Variants in PAX3 observed in about 807,000 individuals in gnomAD.
The protein encoded by PAX3 is paired box 3.
PAX3 carries 14 observed loss-of-function variants against 51.6 expected under a neutral mutation model. That is an observed-to-expected ratio of 0.27 (90% CI 0.18 to 0.42). PAX3 has a LOEUF of 0.42. PAX3 is among the 10% of genes least tolerant of loss of function. The pLI, the probability that PAX3 is intolerant of heterozygous loss-of-function variation, is 1.00. For missense variants in PAX3, 540 were observed against 642.8 expected (o/e 0.84, Z 1.73); for synonymous variants, 280 against 253.4 (o/e 1.11, Z -1.00).
rs149273276 is a variant in PAX3 at position 222,220,194 on chromosome 2, C to T, written c.1119G>A (p.Pro373=). 31 of 1,613,830 alleles carry T rather than the reference C, an allele frequency of 1.9e-5. No individual in the cohort carries two copies. Among genetic ancestry groups the T allele is most frequent in the African/African-American group, 1.3e-4 (10 of 74,960 alleles). ...GGTTCATGGGGTTGGAGGGCCCCGA[C>T]GGAGGCACAAAGCTGTCTGTATAGC... ...FSSYTDSFVP[P]SGPSNPMNPT... The change falls in exon 7 of 9, where the codon CCG becomes CCA. Residue 373 remains proline (P), a synonymous_variant. Transcript: ENST00000392070.
intron 7 of PAX3, among the ~76,000 whole-genome samples, chr2:222,208,714 C>T (rs1691606478): frequency 6.6e-6 from 1 of 152,170 alleles, no homozygotes. Context: ...GAGAACATGA[C>T]TGTGGAAAAT....
chr2:222,243,077 G>A (rs1054221997), intron 4 of PAX3, among the ~76,000 whole-genome samples: 15 of 152,112 alleles, frequency 9.9e-5, no homozygotes, highest in Admixed American at 3.3e-4. Context: ...CAAAACTACC[G>A]AAAGATACAC....
chr2:222,214,165 C>T (rs975548065), intron 7 of PAX3, among the ~76,000 whole-genome samples: 1 of 152,162 alleles, frequency 6.6e-6, no homozygotes, highest in African/African-American at 2.4e-5. Context: ...CCAAAAATGA[C>T]AAGTGAAATC....
intron 4 of PAX3, among the ~76,000 whole-genome samples, chr2:222,255,287 C>T (rs1693597164): frequency 7.2e-6 from 1 of 138,770 alleles, no homozygotes; most frequent in African/African-American, 2.5e-5. Flanking sequence ...TAGAAAATGC[C>T]TGCCCTGCCT....
At chr2:222,297,805 C>T (rs943875884) in intron 1 of PAX3, among the ~76,000 whole-genome samples, 3 of 152,216 alleles carry the variant, frequency 2.0e-5, no homozygotes, top group African/African-American at 7.2e-5. Flanking sequence ...CCCCAGCCCC[C>T]ATTCTTGCTC....
chr2:222,245,815 CAAA>C (rs10628623), intron 4 of PAX3, among the ~76,000 whole-genome samples: 4 of 135,506 alleles, frequency 3.0e-5, no homozygotes, highest in Non-Finnish European at 6.3e-5. Context: ...ACTAAAAATA[CAAA>C]AAAAAAAAAA....
At position 222,201,386 on chromosome 2, in the gene PAX3, T is replaced by C. The variant is rs1238502671; in HGVS notation, c.*22A>G. ...CGAAGACCAGAAACAGGGCCAGTTT[T>C]AGCTCCAAGTGGACAGTTCACTTAC... On this transcript the variant is annotated 3_prime_UTR_variant, in exon 9 of 9. Transcript: ENST00000392070. The C allele has an allele frequency of 6.2e-7, 1 of 1,613,976 alleles. No individual in the cohort carries two copies. Among genetic ancestry groups the C allele is most frequent in the East Asian group, 2.2e-5 (1 of 44,842 alleles).
At chr2:222,297,421 T>C (rs1403953501) in intron 1 of PAX3, among the ~76,000 whole-genome samples, 4 of 152,194 alleles carry the variant, frequency 2.6e-5, no homozygotes, top group Non-Finnish European at 4.4e-5. Context: ...CATGTAATCT[T>C]GTGTAAAGAC....
chr2:222,227,901 C>T (rs1692445772), intron 5 of PAX3, among the ~76,000 whole-genome samples: 2 of 152,002 alleles, frequency 1.3e-5, no homozygotes, highest in Admixed American at 1.3e-4. Flanking sequence ...GCTTTAGTCC[C>T]ATTTCTATTT....
chr2:222,233,665 G>T (rs1158986103), intron 4 of PAX3, among the ~76,000 whole-genome samples: 1 of 152,102 alleles, frequency 6.6e-6, no homozygotes, highest in Non-Finnish European at 1.5e-5. Context: ...CCCAGATACT[G>T]GGGTAGTGGG....
chr2:222,217,519 C>A lies in PAX3; in HGVS notation c.1173+2621G>T, dbSNP rs370696973. Among the ~76,000 whole-genome samples, 32 of 152,060 alleles carry A rather than the reference C, an allele frequency of 2.1e-4. 1 individual carries two copies. The East Asian group carries it at 5.2e-3, about 25-fold the overall frequency. On this transcript the variant is annotated intron_variant, in intron 7 of 8. Coordinates refer to ENST00000392070, the MANE Select transcript of PAX3 (RefSeq NM_181458.4). ...GGCAGAAGGTGACAATCATTTTGGG[C>A]CTCAGTTGGTTTTTCTGCATATTAG...
At position 222,298,898 on chromosome 2, in the gene PAX3, G is replaced by A. The variant is rs1280681334; in HGVS notation, c.-283C>T. Reference sequence around the variant, plus strand: ...TCTGGGCAAATGTTCCAGCGACTGGGGTCCCTGAAAAGGGGGCTCAGAGAG... The same window carrying A: ...TCTGGGCAAATGTTCCAGCGACTGGAGTCCCTGAAAAGGGGGCTCAGAGAG... On this transcript the variant is annotated 5_prime_UTR_variant, in exon 1 of 9. Transcript: ENST00000392070. 6 of 538,614 alleles carry A rather than the reference G, an allele frequency of 1.1e-5. No individual in the cohort carries two copies. The highest frequency in any genetic ancestry group is 2.0e-5 in the Non-Finnish European group (6 of 299,222). The allele number at this position is 538,614 out of a possible 1,614,324, so 33.4% of individuals were successfully genotyped here. A position where few individuals can be genotyped will look rare whatever the true frequency, so the allele number is the denominator to read the frequency against.
At chr2:222,258,726 G>A (rs150320700) in intron 4 of PAX3, among the ~76,000 whole-genome samples, 27 of 152,206 alleles carry the variant, frequency 1.8e-4, no homozygotes, top group East Asian at 1.7e-3. Flanking sequence ...TCCCAACCTC[G>A]CATACTGTTT....
At chr2:222,214,794 T>C (rs1188340717) in intron 7 of PAX3, 1 of 152,172 alleles carries the variant, frequency 6.6e-6, no homozygotes, top group African/African-American at 2.4e-5. Context: ...GTTATTCAAT[T>C]ACATCTTACC....
At chr2:222,293,782 C>T (rs1159047152) in intron 4 of PAX3, 2 of 1,614,044 alleles carry the variant, frequency 1.2e-6, no homozygotes, top group African/African-American at 2.7e-5. Context: ...GCTACTTCAA[C>T]TTCTGAAGAT....
rs146214469 is a variant in PAX3, at chr2:222,200,725, C to T, written c.*683G>A. On this transcript the variant is annotated 3_prime_UTR_variant, in exon 9 of 9. Coordinates refer to ENST00000392070, the MANE Select transcript of PAX3 (RefSeq NM_181458.4). ...GGAAACAAGTCCTTCTTCCTGGTAGCCCATATCCTGTTAGCAAGACATGTC... is the reference window on the plus strand; with the variant it reads ...GGAAACAAGTCCTTCTTCCTGGTAGTCCATATCCTGTTAGCAAGACATGTC... 2.0e-4 allele frequency: 53 copies of T among 260,578 alleles called. No individual in the cohort carries two copies. The highest frequency in any genetic ancestry group is 1.1e-3 in the African/African-American group (49 of 45,738). 16.1% of individuals were successfully genotyped at this position (260,578 alleles called of 1,614,324 possible).
At chr2:222,227,578 G>C (rs1007366524) in intron 5 of PAX3, among the ~76,000 whole-genome samples, 50 of 152,002 alleles carry the variant, frequency 3.3e-4, no homozygotes, top group African/African-American at 1.2e-3. Flanking sequence ...CTCCAGCTCA[G>C]GCAACAGAGT....
intron 6 of PAX3, among the ~76,000 whole-genome samples, chr2:222,220,845 T>A (rs1055943186): frequency 6.6e-6 from 1 of 152,240 alleles, no homozygotes; most frequent in Admixed American, 6.5e-5. Flanking sequence ...AAATAATGAC[T>A]TTGTCAAAGC....
chr2:222,278,183 C>A lies in PAX3; in HGVS notation c.586+15984G>T, dbSNP rs541424082. ...GTTCCACTGAGACCCTTTTGGCTTA[C>A]ATGCTCCAAAGTGATTTGTTTCTAA... On this transcript the variant is annotated intron_variant, in intron 4 of 8. Coordinates refer to ENST00000392070, the MANE Select transcript of PAX3 (RefSeq NM_181458.4). Among the ~76,000 whole-genome samples the A allele has an allele frequency of 2.6e-5, 4 of 152,218 alleles. No individual in the cohort carries two copies. The East Asian group carries it at 7.7e-4, about 29-fold the overall frequency.
Sources: allele counts gnomAD v4.1 joint callset (sites outside exome capture counted in the v4.1 genomes callset), GRCh38; gene constraint gnomAD v4.1.1; transcripts MANE v1.5; gene names NCBI Gene and HGNC (gene_info 2026-07-23, HGNC 2026-07-21).